NCOA1: variants seen among roughly 807,000 people sequenced by gnomAD.
The protein encoded by NCOA1 is nuclear receptor coactivator 1, also known as Hin-2 protein.
In NCOA1, 35 loss-of-function variants were observed where a neutral mutation model predicts 150.9. That is an observed-to-expected ratio of 0.23 (90% confidence interval 0.18 to 0.31). NCOA1 has a LOEUF of 0.31. Among genes scored for constraint, NCOA1 ranks in the 10% least tolerant of loss-of-function variants. The probability of loss-of-function intolerance (pLI) is 1.00; values close to 1 mark genes in which losing one functional copy is unlikely to be tolerated. For missense variants in NCOA1, 1,491 were observed against 1,749.3 expected (o/e 0.85, Z 2.63); for synonymous variants, 590 against 630.0 (o/e 0.94, Z 0.95).
At chr2:24,648,538 T>A (rs1409251879) in intron 4 of NCOA1, among the ~76,000 whole-genome samples, 1 of 152,228 alleles carries the variant, frequency 6.6e-6, no homozygotes, top group Non-Finnish European at 1.5e-5. Context: ...CCTGAAGCGC[T>A]GGGATTACAG....
chr2:24,661,468 T>C (rs1264669937), intron 5 of NCOA1, among the ~76,000 whole-genome samples: 1 of 152,212 alleles, frequency 6.6e-6, no homozygotes, highest in African/African-American at 2.4e-5. Context: ...TGGTTAACAT[T>C]ATTTATGATG....
intron 22 of NCOA1, among the ~76,000 whole-genome samples, chr2:24,767,125 C>T (rs185623416): frequency 1.3e-5 from 2 of 152,234 alleles, no homozygotes; most frequent in East Asian, 3.9e-4. Flanking sequence ...ATGCATACCA[C>T]ATTTGACATT....
intron 17 of NCOA1, among the ~76,000 whole-genome samples, chr2:24,734,688 T>C (rs1572659264): frequency 6.6e-6 from 1 of 152,048 alleles, no homozygotes; most frequent in Non-Finnish European, 1.5e-5. Context: ...GCACCTGTAG[T>C]CCCAACTACT....
At chr2:24,561,142 G>A (rs1666277436) in intron 1 of NCOA1, among the ~76,000 whole-genome samples, 1 of 152,100 alleles carries the variant, frequency 6.6e-6, no homozygotes, top group African/African-American at 2.4e-5. Flanking sequence ...GAAGGCAGGA[G>A]GAATAAGACT....
At chr2:24,729,843 C>CT (rs375818965) in intron 17 of NCOA1, 28 bp downstream of exon 17, 33,365 of 1,265,852 alleles carry the variant, frequency 0.026, 1 homozygote, top group Non-Finnish European at 0.028. Context: ...GCAGTTGATA[C>CT]TTTTTTTTTT....
At chr2:24,674,557 G>A (rs949128222) in intron 7 of NCOA1, among the ~76,000 whole-genome samples, 7 of 151,980 alleles carry the variant, frequency 4.6e-5, no homozygotes, top group African/African-American at 1.7e-4. Context: ...AAAGAATGAA[G>A]GTACTAGAAG....
At chr2:24,634,836 C>T (rs945093562) in intron 3 of NCOA1, among the ~76,000 whole-genome samples, 1 of 151,906 alleles carries the variant, frequency 6.6e-6, no homozygotes, top group Non-Finnish European at 1.5e-5. Flanking sequence ...TTCAGCCCCC[C>T]AACTGAGTAG....
In NCOA1 at chr2:24,762,783, A is replaced by G; in HGVS notation, c.4155+7A>G. 1.2e-6 allele frequency: 2 copies of G among 1,611,036 alleles called. No individual in the cohort carries two copies. Among genetic ancestry groups the G allele is most frequent in the African/African-American group, 1.3e-5 (1 of 74,974 alleles). On this transcript the variant is annotated splice_region_variant and intron_variant, in intron 22 of 22. Coordinates refer to ENST00000348332, the MANE Select transcript of NCOA1 (RefSeq NM_003743.5). ...AGAAGCAGATGGAACCCAGGTCAGTAAGGAAATTCTAAGCCCAGAGCTGTC... is the reference window on the plus strand; with the variant it reads ...AGAAGCAGATGGAACCCAGGTCAGTGAGGAAATTCTAAGCCCAGAGCTGTC...
chr2:24,530,193 A>G (rs975062695), intron 1 of NCOA1, among the ~76,000 whole-genome samples: 5 of 152,116 alleles, frequency 3.3e-5, no homozygotes, highest in African/African-American at 1.2e-4. Flanking sequence ...AAAGATATTC[A>G]ATACAGTGTG....
intron 3 of NCOA1, among the ~76,000 whole-genome samples, chr2:24,599,114 G>C (rs183002429): frequency 2.0e-5 from 3 of 152,136 alleles, no homozygotes; most frequent in Admixed American, 6.5e-5. Flanking sequence ...TACTGATTTT[G>C]CCTAAATTGT....
chr2:24,683,187 A>C, intron 8 of NCOA1, 59 bp downstream of exon 8: 1 of 902,338 alleles, frequency 1.1e-6, no homozygotes, highest in Non-Finnish European at 1.5e-6. Context: ...TCCTTATATA[A>C]TATGTATAAT....
At chr2:24,569,088 C>CTTTTTTTTTTTTTTTTTTTTTTTT (rs1666629477) in intron 2 of NCOA1, among the ~76,000 whole-genome samples, 4 of 152,046 alleles carry the variant, frequency 2.6e-5, no homozygotes, top group African/African-American at 9.7e-5. Flanking sequence ...TCATATCCCA[C>CTTTTTTTTTTTTTTTTTTTTTTTT]TTTTTTCAGA....
intron 7 of NCOA1, among the ~76,000 whole-genome samples, chr2:24,680,007 T>A (rs1255866053): frequency 6.6e-6 from 1 of 152,230 alleles, no homozygotes; most frequent in Non-Finnish European, 1.5e-5. Context: ...TTACTAAATT[T>A]CATTTATTTT....
intron 1 of NCOA1, among the ~76,000 whole-genome samples, chr2:24,563,820 T>C (rs1666389151): frequency 6.6e-6 from 1 of 152,230 alleles, no homozygotes; most frequent in Non-Finnish European, 1.5e-5. Context: ...ACCATTAATT[T>C]AGTAAAATCT....
chr2:24,636,321 T>A (rs1669937018), intron 3 of NCOA1, among the ~76,000 whole-genome samples: 1 of 152,172 alleles, frequency 6.6e-6, no homozygotes, highest in Non-Finnish European at 1.5e-5. Context: ...AATTCCAAAG[T>A]ATTTTGTTTT....
In NCOA1 at chr2:24,765,740, A is replaced by G. The variant is rs181122375; in HGVS notation, c.4156-2481A>G. 2.0e-5 allele frequency among the ~76,000 whole-genome samples: 3 copies of G among 152,262 alleles called. No individual in the cohort carries two copies. The East Asian group carries it at 5.8e-4, about 29-fold the overall frequency. The stretch of plus-strand genomic sequence containing the variant: ...CAGTCTTCTCACCTGGAAGATCTGA[A>G]GCTTCTTTTGTGTCACACTTTGCCT... On this transcript the variant is annotated intron_variant, in intron 22 of 22. Coordinates refer to ENST00000348332, the MANE Select transcript of NCOA1 (RefSeq NM_003743.5).
intron 19 of NCOA1, among the ~76,000 whole-genome samples, chr2:24,743,347 T>C (rs1663705851): frequency 6.6e-6 from 1 of 152,228 alleles, no homozygotes; most frequent in Non-Finnish European, 1.5e-5. Flanking sequence ...AGAGTTTCCA[T>C]TCTGATGGTA....
At chr2:24,529,537 G>A (rs1251463394) in intron 1 of NCOA1, among the ~76,000 whole-genome samples, 2 of 152,000 alleles carry the variant, frequency 1.3e-5, no homozygotes, top group African/African-American at 2.4e-5. Context: ...AGGTATTGCT[G>A]TGTTGCCCAG....
intron 3 of NCOA1, among the ~76,000 whole-genome samples, chr2:24,609,050 C>G (rs1246230187): frequency 6.6e-6 from 1 of 152,134 alleles, no homozygotes; most frequent in Non-Finnish European, 1.5e-5. Context: ...CCATGTTACT[C>G]ACTGTAAAGT....
Sources: gnomAD v4.1 joint callset for allele counts (sites outside exome capture counted in the v4.1 genomes callset) on GRCh38, gnomAD v4.1.1 for gene constraint, MANE v1.5 for transcripts, NCBI Gene and HGNC (gene_info 2026-07-23, HGNC 2026-07-21) for gene names.